ZNF512: variants seen among roughly 807,000 people sequenced by gnomAD.
The protein encoded by ZNF512 is zinc finger protein 512.
A neutral mutation model predicts 77.5 loss-of-function variants in ZNF512; 25 were observed. That is an observed-to-expected ratio of 0.32 (90% CI 0.23 to 0.45). The LOEUF (loss-of-function observed/expected upper bound fraction) is 0.45, where lower values mean the gene tolerates loss of function less well. Ranked by LOEUF, ZNF512 falls within the 20% of genes least tolerant of loss-of-function variation. The pLI, the probability that ZNF512 is intolerant of heterozygous loss-of-function variation, is 1.00. For missense variants in ZNF512, 483 were observed against 692.6 expected, an observed-to-expected ratio of 0.70 and a Z score of 3.40; for synonymous variants, 246 against 239.9, an observed-to-expected ratio of 1.03 and a Z score of -0.24.
intron 2 of ZNF512, among the ~76,000 whole-genome samples, chr2:27,591,182 G>T (rs894791162): frequency 6.6e-6 from 1 of 152,080 alleles, no homozygotes; most frequent in Non-Finnish European, 1.5e-5. Context: ...GACTATAGTT[G>T]CATGGCACCA....
intron 10 of ZNF512, 107 bp downstream of exon 10, chr2:27,608,146 T>G: frequency 9.2e-7 from 1 of 1,087,510 alleles, no homozygotes; most frequent in Non-Finnish European, 1.3e-6. Flanking sequence ...GGCAGTATTT[T>G]GTTTGTTTAT....
At position 27,588,477 on chromosome 2, in the gene ZNF512, TG is replaced by T. The variant is rs1300568175; in HGVS notation, c.89+4762del. On this transcript the variant is annotated intron_variant, in intron 2 of 13. Coordinates refer to ENST00000355467, the MANE Select transcript of ZNF512 (RefSeq NM_032434.4). ...GTGAATGTTTTATGGTAAGGGTCAA[TG>T]TTGACTTTTTTTTCTATTTATATAC... Among the ~76,000 whole-genome samples the T allele has an allele frequency of 3.0e-4, 46 of 152,124 alleles. 2 individuals are homozygous for T. Among genetic ancestry groups the T allele is most frequent in the Non-Finnish European group, 5.9e-5 (4 of 67,992 alleles).
At chr2:27,607,714 C>T (rs1458970809) in intron 9 of ZNF512, 131 bp from the exon 10 acceptor site, 3 of 825,520 alleles carry the variant, frequency 3.6e-6, no homozygotes, top group Non-Finnish European at 5.6e-6. Flanking sequence ...TATGGTGGAA[C>T]TTGATGCTAG....
intron 11 of ZNF512, 102 bp from the exon 12 acceptor site, chr2:27,616,160 T>G (rs1672870960): frequency 2.5e-6 from 2 of 785,150 alleles, no homozygotes; most frequent in Admixed American, 5.3e-5. Context: ...AAATTATTGG[T>G]TTTCTTCCTT....
intron 2 of ZNF512, among the ~76,000 whole-genome samples, chr2:27,588,162 T>A (rs947467196): frequency 2.6e-5 from 4 of 152,092 alleles, no homozygotes; most frequent in Non-Finnish European, 4.4e-5. Context: ...ATTTTCTTAA[T>A]GATGTCTTTT....
At chr2:27,589,386 C>T (rs1671474460) in intron 2 of ZNF512, among the ~76,000 whole-genome samples, 1 of 152,096 alleles carries the variant, frequency 6.6e-6, no homozygotes, top group African/African-American at 2.4e-5. Flanking sequence ...CATTGATTAG[C>T]ATAAAGTTAT....
intron 3 of ZNF512, among the ~76,000 whole-genome samples, chr2:27,598,932 A>G (rs1038138192): frequency 1.3e-5 from 2 of 152,028 alleles, no homozygotes; most frequent in Non-Finnish European, 2.9e-5. Context: ...TCCTGGGTTC[A>G]AGCGATTCTC....
intron 8 of ZNF512, among the ~76,000 whole-genome samples, chr2:27,602,775 T>G (rs1348082496): frequency 5.9e-5 from 9 of 152,198 alleles, no homozygotes; most frequent in Non-Finnish European, 1.0e-4. Context: ...CTTACCATCC[T>G]TTTTTTAATG....
At chr2:27,596,305 G>A (rs62138966) in intron 2 of ZNF512, among the ~76,000 whole-genome samples, 31,135 of 152,102 alleles carry the variant, frequency 0.2, 3,399 homozygotes, top group East Asian at 0.35. Context: ...GTCTTTGCTA[G>A]GCTGGTACGT....
intron 13 of ZNF512, among the ~76,000 whole-genome samples, chr2:27,619,819 A>G (rs1673043206): frequency 6.6e-6 from 1 of 152,202 alleles, no homozygotes; most frequent in African/African-American, 2.4e-5. Flanking sequence ...TTTCAGCTGT[A>G]AGTGCTTCTT....
intron 13 of ZNF512, 82 bp from the exon 14 acceptor site, chr2:27,621,071 C>A (rs754125846): frequency 1.0e-4 from 156 of 1,509,056 alleles, no homozygotes; most frequent in African/African-American, 1.7e-4. Flanking sequence ...CTAATCATGC[C>A]TTTTTTCCAT....
At position 27,583,127 on chromosome 2, in the gene ZNF512, C is replaced by T. The variant is rs200867765; in HGVS notation, c.15C>T (p.Leu5=). The change falls in exon 1 of 14, where the codon CTC becomes CTT. Residue 5 remains leucine, a synonymous_variant. Coordinates refer to ENST00000355467, the MANE Select transcript of ZNF512 (RefSeq NM_032434.4). MSSR[L]GAVPATSGPT... ...GAGAGGGAGTGATGTCTTCCAGACT[C>T]GGTGCTGTACCCGCCGTGAGTTTCT... 1.9e-6 allele frequency: 3 copies of T among 1,613,748 alleles called. No homozygotes were observed. Among genetic ancestry groups the T allele is most frequent in the Admixed American group, 1.7e-5 (1 of 60,008 alleles).
Position 27,615,241 on chromosome 2 carries a change from A to G in ZNF512, c.1205A>G (p.Lys402Arg), listed in dbSNP as rs1672837411. 1.2e-6 allele frequency: 2 copies of G among 1,605,458 alleles called. No individual in the cohort carries two copies. The highest frequency in any genetic ancestry group is 1.7e-5 in the Admixed American group (1 of 58,668). Residue 402 changes from lysine to arginine, a missense_variant, in exon 11 of 14, where the codon AAA becomes AGA. Physicochemically the swap from Lys to Arg is conservative, Grantham distance 26. This residue lies in a region of ZNF512 where 324 missense variants were observed against 525.0 expected (regional missense o/e 0.62). Coordinates refer to ENST00000355467, the MANE Select transcript of ZNF512 (RefSeq NM_032434.4). ...CATAAATGGAAGACAGATATCAAGA[A>G]ATATCATCGTATTCAGTGTCCTAAC... The part of the protein sequence containing the change: ...VLHKWKTDIK[K>R]YHRIQCPNQG...
At chr2:27,587,312 TG>T (rs1671378153) in intron 2 of ZNF512, among the ~76,000 whole-genome samples, 1 of 149,032 alleles carries the variant, frequency 6.7e-6, no homozygotes, top group Non-Finnish European at 1.5e-5. Flanking sequence ...TGTCTCCCTC[TG>T]TCACCCAGGC....
Position 27,583,653 on chromosome 2 carries a change from G to A in ZNF512, c.31-5G>A. ...GCACTCACTCGTGTGCTTGTGATTT[G>A]CTAGACTTCGGGACCCACAACCTTT... On this transcript the variant is annotated splice_polypyrimidine_tract_variant and splice_region_variant and intron_variant, in intron 1 of 13. Transcript: ENST00000355467. 1 of 1,614,140 alleles carries A rather than the reference G, an allele frequency of 6.2e-7. No homozygotes were observed. The highest frequency in any genetic ancestry group is 8.5e-7 in the Non-Finnish European group (1 of 1,180,020).
chr2:27,588,395 C>T (rs368621429), intron 2 of ZNF512, among the ~76,000 whole-genome samples: 7 of 152,070 alleles, frequency 4.6e-5, no homozygotes, highest in Non-Finnish European at 7.4e-5. Flanking sequence ...GGTCTTTTCT[C>T]CTAGAAGTTT....
In ZNF512 at chr2:27,601,401, G is replaced by A. The variant is rs1306532524; in HGVS notation, c.628G>A (p.Ala210Thr). 4.3e-6 allele frequency: 7 copies of A among 1,613,820 alleles called. No homozygotes were observed. The highest frequency in any genetic ancestry group is 5.9e-6 in the Non-Finnish European group (7 of 1,179,980). ...HHCGKQLRSL[A>T]GMKYHVMANH... is the part of the protein sequence containing the mutation. ...TTGTGGGAAACAACTTCGTTCACTG[G>A]CAGGGATGAAGTATCATGTCATGGC... is the stretch of plus-strand genomic sequence containing the variant. Residue 210 changes from alanine to threonine, a missense_variant, in exon 7 of 14, where the codon GCA (alanine) becomes ACA (threonine). Transcript: ENST00000355467.
chr2:27,607,810 T>C (rs771380065), intron 9 of ZNF512, 35 bp from the exon 10 acceptor site: 27 of 1,607,854 alleles, frequency 1.7e-5, no homozygotes, highest in South Asian at 1.4e-4. Flanking sequence ...ATGCCACTTA[T>C]CAGGCCTGTG....
At chr2:27,609,623 A>G (rs1238233206) in intron 10 of ZNF512, among the ~76,000 whole-genome samples, 1 of 152,130 alleles carries the variant, frequency 6.6e-6, no homozygotes, top group Non-Finnish European at 1.5e-5. Context: ...AATCCCAGCA[A>G]TTTAGGAGGC....
Sources: gnomAD v4.1 joint callset for allele counts (sites outside exome capture counted in the v4.1 genomes callset) on GRCh38, gnomAD v4.1.1 for gene constraint, gnomAD v4.1.1 regional missense constraint, MANE v1.5 for transcripts, NCBI Gene and HGNC (gene_info 2026-07-23, HGNC 2026-07-21) for gene names.